The following MGAT4C variants were observed in gnomAD, a reference collection of about 807,000 sequenced individuals.
The protein encoded by MGAT4C is alpha-1,3-mannosyl-glycoprotein 4-beta-N-acetylglucosaminyltransferase C.
MGAT4C carries 19 observed loss-of-function variants against 40.1 expected under a neutral mutation model. The observed-to-expected ratio is 0.47, with a 90% CI of 0.33 to 0.70. The LOEUF (loss-of-function observed/expected upper bound fraction) is 0.70, where lower values mean the gene tolerates loss of function less well. Among genes scored for constraint, MGAT4C ranks in the 30% least tolerant of loss-of-function variants. The pLI is 0.02. For synonymous variants in MGAT4C, 181 were observed against 187.1 expected, an observed-to-expected ratio of 0.97 and a Z score of 0.27; for missense variants, 491 against 563.2, an observed-to-expected ratio of 0.87 and a Z score of 1.30.
intron 2 of MGAT4C, among the ~76,000 whole-genome samples, chr12:86,623,392 C>T (rs964365108): frequency 2.6e-5 from 4 of 152,044 alleles, no homozygotes; most frequent in Non-Finnish European, 2.9e-5. Flanking sequence ...ACAACAGGTC[C>T]ATCTGACTTA....
At chr12:86,717,278 T>G (rs1565945353) in intron 2 of MGAT4C, among the ~76,000 whole-genome samples, 1 of 151,880 alleles carries the variant, frequency 6.6e-6, no homozygotes, top group Non-Finnish European at 1.5e-5. Context: ...TATAAGAATA[T>G]AAATTCAATA....
chr12:86,405,094 A>G lies in MGAT4C; in HGVS notation c.-120+30063T>C, dbSNP rs530304147. ...TGAAAGATTCCCCAGAATGCTTTTT[A>G]TCAATAAAATTGAAGTATTTTAAAT... On this transcript the variant is annotated intron_variant, in intron 3 of 7. Coordinates refer to the MGAT4C transcript ENST00000548651. Among the ~76,000 whole-genome samples, 3 of 152,208 alleles carry G rather than the reference A, an allele frequency of 2.0e-5. No homozygotes were observed. The East Asian group carries it at 5.8e-4, about 29-fold the overall frequency.
intron 1 of MGAT4C, among the ~76,000 whole-genome samples, chr12:86,744,304 G>GA (rs113005629): frequency 2.3e-4 from 34 of 148,108 alleles, no homozygotes; most frequent in South Asian, 2.1e-4. Flanking sequence ...GGTTGCTAAG[G>GA]AAAAAAAAAA....
At position 85,967,652 on chromosome 12, in the gene MGAT4C, G is replaced by A. The variant is rs1174871890; in HGVS notation, c.*11637C>T. ...AGAAAAATATTTTAAATAAGACAGAGCATTAAAATAATGTATTCATTGATC... is the reference window on the plus strand; with the variant it reads ...AGAAAAATATTTTAAATAAGACAGAACATTAAAATAATGTATTCATTGATC... On this transcript the variant is annotated 3_prime_UTR_variant, in exon 5 of 5. Coordinates refer to ENST00000611864, the MANE Select transcript of MGAT4C (RefSeq NM_001351288.2). 6.6e-6 allele frequency: 1 copy of A among 151,960 alleles called. No homozygotes were observed. 9.4% of individuals were successfully genotyped at this position (151,960 alleles called of 1,614,324 possible).
chr12:86,532,128 C>T (rs1479613071), intron 2 of MGAT4C, among the ~76,000 whole-genome samples: 1 of 151,786 alleles, frequency 6.6e-6, no homozygotes, highest in Non-Finnish European at 1.5e-5. Flanking sequence ...ACTGAAATTC[C>T]TATACTTTAA....
intron 1 of MGAT4C, among the ~76,000 whole-genome samples, chr12:86,227,744 G>GT (rs1357980474): frequency 2.0e-5 from 3 of 151,818 alleles, no homozygotes; most frequent in African/African-American, 7.3e-5. Context: ...AAAAATAGAA[G>GT]TATCTGATAC....
At chr12:85,987,285 C>T (rs921788727) in intron 3 of MGAT4C, among the ~76,000 whole-genome samples, 184 of 150,428 alleles carry the variant, frequency 1.2e-3, no homozygotes, top group African/African-American at 4.2e-3. Context: ...TACAGGCGCC[C>T]GCCACTACGC....
chr12:86,237,560 C>T lies in MGAT4C; in HGVS notation c.-57+18679G>A, dbSNP rs368655242. Reference sequence around the variant, plus strand: ...CTTTTATTTAATCAGGCTCAAAGAGCAGACCAAAACCATTGCTTCTATAGG... The same window carrying T: ...CTTTTATTTAATCAGGCTCAAAGAGTAGACCAAAACCATTGCTTCTATAGG... On this transcript the variant is annotated intron_variant, in intron 1 of 4. Coordinates refer to ENST00000611864, the MANE Select transcript of MGAT4C (RefSeq NM_001351288.2). Among the ~76,000 whole-genome samples the T allele has an allele frequency of 1.2e-3, 187 of 151,902 alleles. 1 individual carries two copies. Among genetic ancestry groups the T allele is most frequent in the African/African-American group, 4.2e-3 (176 of 41,516 alleles).
chr12:86,305,246 C>A (rs865948062), intron 4 of MGAT4C, among the ~76,000 whole-genome samples: 1 of 149,922 alleles, frequency 6.7e-6, no homozygotes, highest in African/African-American at 2.5e-5. Flanking sequence ...TCAAGACCAG[C>A]CTGACCAACA....
At chr12:86,169,548 C>A (rs1023736321) in intron 1 of MGAT4C, among the ~76,000 whole-genome samples, 1 of 152,160 alleles carries the variant, frequency 6.6e-6, no homozygotes. Flanking sequence ...AGATACATAT[C>A]CAACAATTTA....
At chr12:86,563,876 C>A (rs1739574275) in intron 2 of MGAT4C, among the ~76,000 whole-genome samples, 1 of 152,128 alleles carries the variant, frequency 6.6e-6, no homozygotes, top group Non-Finnish European at 1.5e-5. Flanking sequence ...GGTCATTTCC[C>A]CAGTGCCAGA....
chr12:86,758,621 T>A (rs894546358), intron 1 of MGAT4C, among the ~76,000 whole-genome samples: 1 of 152,058 alleles, frequency 6.6e-6, no homozygotes, highest in African/African-American at 2.4e-5. Flanking sequence ...ACACAGTCAC[T>A]CTGGCTTCAT....
At chr12:86,590,000 G>A (rs1023010248) in intron 2 of MGAT4C, among the ~76,000 whole-genome samples, 2 of 151,892 alleles carry the variant, frequency 1.3e-5, no homozygotes, top group Non-Finnish European at 2.9e-5. Context: ...ACTTCTAGAA[G>A]CATAAAATTA....
intron 1 of MGAT4C, among the ~76,000 whole-genome samples, chr12:86,805,772 G>A (rs529653878): frequency 2.6e-5 from 4 of 151,936 alleles, no homozygotes; most frequent in Non-Finnish European, 2.9e-5. Context: ...GGTAGTTCTG[G>A]TTTAAATTAT....
intron 1 of MGAT4C, among the ~76,000 whole-genome samples, chr12:86,767,665 AC>A (rs1294986231): frequency 3.9e-5 from 6 of 152,192 alleles, no homozygotes; most frequent in African/African-American, 1.4e-4. Context: ...AAGCTTATCT[AC>A]CATGATCAAG....
chr12:86,149,679 C>T (rs1476061692), intron 1 of MGAT4C, among the ~76,000 whole-genome samples: 2 of 152,168 alleles, frequency 1.3e-5, no homozygotes, highest in Admixed American at 6.5e-5. Flanking sequence ...AAAGTAGATA[C>T]TCCTTGTGGG....
chr12:86,119,458 C>T (rs1260245817), intron 1 of MGAT4C, among the ~76,000 whole-genome samples: 1 of 151,690 alleles, frequency 6.6e-6, no homozygotes, highest in Non-Finnish European at 1.5e-5. Flanking sequence ...CAGAGTCTTG[C>T]TCTGTTGCAG....
rs576601760 is a variant in MGAT4C, at chr12:86,523,235, A to C, written c.-228-87970T>G. 3.9e-5 allele frequency among the ~76,000 whole-genome samples: 6 copies of C among 152,232 alleles called. No homozygotes were observed. The South Asian group carries it at 1.2e-3, about 32-fold the overall frequency. ...TTTTGATGTTGGCATTCGGTGCTAT[A>C]AATTTCCCTCTTAATACTGCCTTTG... On this transcript the variant is annotated intron_variant, in intron 2 of 7. Coordinates refer to the MGAT4C transcript ENST00000548651.
At chr12:86,615,290 CTAT>C (rs970290296) in intron 2 of MGAT4C, among the ~76,000 whole-genome samples, 1 of 151,012 alleles carries the variant, frequency 6.6e-6, no homozygotes, top group Non-Finnish European at 1.5e-5. Flanking sequence ...TACTAAAAGG[CTAT>C]GAAAATATTT....
Sources: allele counts gnomAD v4.1 joint callset (sites outside exome capture counted in the v4.1 genomes callset), GRCh38; gene constraint gnomAD v4.1.1; transcripts MANE v1.5; gene names NCBI Gene and HGNC (gene_info 2026-07-23, HGNC 2026-07-21).